Variants in ULK4 observed in about 807,000 individuals in gnomAD.
ULK4 encodes unc-51 like kinase 4.
Under a neutral mutation model 160.6 loss-of-function variants are expected in ULK4, and 133 were observed. The ratio of observed to expected loss-of-function variants is 0.83; its 90% confidence interval spans 0.72 to 0.96. ULK4 has a LOEUF of 0.96. ULK4 is among the 40% of genes least tolerant of loss of function. ULK4 has a pLI of 0.00. For missense variants in ULK4, 1,580 were observed against 1,499.5 expected, an observed-to-expected ratio of 1.05 and a Z score of -0.89; for synonymous variants, 534 against 539.8, an observed-to-expected ratio of 0.99 and a Z score of 0.15.
chr3:41,834,521 G>A (rs1457859491), intron 18 of ULK4, among the ~76,000 whole-genome samples: 1 of 152,170 alleles, frequency 6.6e-6, no homozygotes, highest in African/African-American at 2.4e-5. Context: ...GATATGCGAA[G>A]GGCCAGGAAT....
intron 35 of ULK4, among the ~76,000 whole-genome samples, chr3:41,395,415 G>T (rs896003292): frequency 6.6e-6 from 1 of 151,996 alleles, no homozygotes; most frequent in Non-Finnish European, 1.5e-5. Flanking sequence ...TTAAAATGTG[G>T]TATACACACA....
chr3:41,595,108 T>A (rs1041198017), intron 31 of ULK4, among the ~76,000 whole-genome samples: 1 of 152,168 alleles, frequency 6.6e-6, no homozygotes, highest in Non-Finnish European at 1.5e-5. Context: ...TTTTTCAGAT[T>A]AGAGATGGCA....
At chr3:41,331,195 T>C (rs2080435968) in intron 35 of ULK4, among the ~76,000 whole-genome samples, 1 of 152,104 alleles carries the variant, frequency 6.6e-6, no homozygotes, top group Non-Finnish European at 1.5e-5. Flanking sequence ...TTAGTCTGAC[T>C]TGTACCAAGC....
intron 21 of ULK4, among the ~76,000 whole-genome samples, chr3:41,757,018 C>T (rs924413529): frequency 6.6e-6 from 1 of 151,126 alleles, no homozygotes; most frequent in African/African-American, 2.5e-5. Flanking sequence ...ATGTTAAATG[C>T]CACATAGAAA....
intron 35 of ULK4, among the ~76,000 whole-genome samples, chr3:41,348,870 T>C (rs1477055055): frequency 1.3e-5 from 2 of 152,114 alleles, no homozygotes; most frequent in East Asian, 1.9e-4. Flanking sequence ...AGTCCTTAAT[T>C]CTTAGCTTCT....
At chr3:41,772,567 G>C (rs145696894) in intron 21 of ULK4, among the ~76,000 whole-genome samples, 1 of 152,122 alleles carries the variant, frequency 6.6e-6, no homozygotes. Flanking sequence ...CTGAAATTGC[G>C]GCAATAATTA....
chr3:41,501,945 G>GTA (rs2085224612), intron 32 of ULK4, among the ~76,000 whole-genome samples: 1 of 152,160 alleles, frequency 6.6e-6, no homozygotes, highest in East Asian at 1.9e-4. Flanking sequence ...AGATCATGTG[G>GTA]TATTTCTCTT....
intron 21 of ULK4, among the ~76,000 whole-genome samples, chr3:41,785,467 T>C (rs558595451): frequency 6.6e-6 from 1 of 152,324 alleles, no homozygotes; most frequent in South Asian, 2.1e-4. Flanking sequence ...TTTAGAGTCT[T>C]CTAAGTTTTC....
At chr3:41,328,857 G>A (rs2080388135) in intron 35 of ULK4, among the ~76,000 whole-genome samples, 1 of 152,022 alleles carries the variant, frequency 6.6e-6, no homozygotes, top group Non-Finnish European at 1.5e-5. Flanking sequence ...TTCTTATGTG[G>A]GTTCAGACAC....
At chr3:41,788,794 A>G (rs551589303) in intron 21 of ULK4, among the ~76,000 whole-genome samples, 2 of 152,324 alleles carry the variant, frequency 1.3e-5, no homozygotes, top group African/African-American at 4.8e-5. Context: ...TAGCATATTA[A>G]AAACTGGGAA....
intron 17 of ULK4, chr3:41,859,482 AATG>A (rs2042446453): frequency 1.8e-6 from 1 of 549,150 alleles, no homozygotes; most frequent in Non-Finnish European, 3.7e-6. Flanking sequence ...CCAATATGGT[AATG>A]ATAACTTCCC....
intron 35 of ULK4, among the ~76,000 whole-genome samples, chr3:41,344,879 T>C (rs1035834308): frequency 6.6e-6 from 1 of 151,672 alleles, no homozygotes; most frequent in Non-Finnish European, 1.5e-5. Context: ...AATTTTTCAA[T>C]GTATCCATCT....
At position 41,851,245 on chromosome 3, in the gene ULK4, T is replaced by C. The variant is rs59925391; in HGVS notation, c.1657-15274A>G. Among the ~76,000 whole-genome samples, 1,193 of 151,752 alleles carry C rather than the reference T, an allele frequency of 7.9e-3. 47 individuals are homozygous for C. The East Asian group carries it at 0.13, about 16-fold the overall frequency. ...AGATGGCTCTTATTATTTTGAGATA[T>C]GTCCCATCAATACCTAATTTATTGA... On this transcript the variant is annotated intron_variant, in intron 17 of 36. Coordinates refer to ENST00000301831, the MANE Select transcript of ULK4 (RefSeq NM_017886.4).
chr3:41,648,814 G>T lies in ULK4; in HGVS notation c.3071+14793C>A, dbSNP rs1006817980. On this transcript the variant is annotated intron_variant, in intron 30 of 36. Transcript: ENST00000301831. ...ATCACCAGTTTTACCCTTTCCAGGAGAGAAAGCATCAGAAAACGCAGTAAA... is the reference window on the plus strand; with the variant it reads ...ATCACCAGTTTTACCCTTTCCAGGATAGAAAGCATCAGAAAACGCAGTAAA... Among the ~76,000 whole-genome samples, 5 of 152,118 alleles carry T rather than the reference G, an allele frequency of 3.3e-5. No homozygotes were observed. In the East Asian group the frequency reaches 9.7e-4, roughly 29 times the overall value.
At chr3:41,543,316 G>A (rs755390029) in intron 32 of ULK4, among the ~76,000 whole-genome samples, 1 of 152,212 alleles carries the variant, frequency 6.6e-6, no homozygotes, top group African/African-American at 2.4e-5. Context: ...TGCACCTGAG[G>A]ATATGTACCC....
At chr3:41,739,492 T>C (rs78134412) in intron 22 of ULK4, among the ~76,000 whole-genome samples, 1 of 151,918 alleles carries the variant, frequency 6.6e-6, no homozygotes, top group Non-Finnish European at 1.5e-5. Flanking sequence ...TTGCACCCTA[T>C]GTTTAAACTG....
chr3:41,469,251 T>C (rs1036771058), intron 32 of ULK4, among the ~76,000 whole-genome samples: 5 of 152,010 alleles, frequency 3.3e-5, no homozygotes, highest in Non-Finnish European at 7.4e-5. Flanking sequence ...GAGACAAATC[T>C]CAACTGTGAA....
chr3:41,336,521 A>C (rs9835228), intron 35 of ULK4, among the ~76,000 whole-genome samples: 41,632 of 152,204 alleles, frequency 0.27, 5,909 homozygotes, highest in Middle Eastern at 0.37. Context: ...GGGAAGAGTC[A>C]ACACATGCCT....
intron 19 of ULK4, among the ~76,000 whole-genome samples, chr3:41,802,933 G>A (rs981472494): frequency 3.3e-5 from 5 of 152,252 alleles, no homozygotes; most frequent in East Asian, 1.9e-4. Context: ...TTGGGAGGCC[G>A]AAGCAGGCAG....
Sources: allele counts gnomAD v4.1 joint callset (sites outside exome capture counted in the v4.1 genomes callset), GRCh38; gene constraint gnomAD v4.1.1; transcripts MANE v1.5; gene names NCBI Gene and HGNC (gene_info 2026-07-23, HGNC 2026-07-21).